Variants in TINAG observed in about 807,000 individuals in gnomAD.
TINAG encodes tubulointerstitial nephritis antigen.
In TINAG, 83 loss-of-function variants were observed where a neutral mutation model predicts 72.7. That is an observed-to-expected ratio of 1.14 (90% CI 0.96 to 1.37). The LOEUF is 1.37. Ranked by LOEUF, TINAG falls within the 40% of genes most tolerant of loss-of-function variation. The pLI, the probability that TINAG is intolerant of heterozygous loss-of-function variation, is 0.00. For synonymous variants in TINAG, 234 were observed against 189.9 expected (o/e 1.23, Z -1.91); for missense variants, 685 against 576.6 (o/e 1.19, Z -1.93).
intron 9 of TINAG, among the ~76,000 whole-genome samples, chr6:54,370,933 C>T (rs919843620): frequency 3.6e-4 from 55 of 152,026 alleles, no homozygotes; most frequent in African/African-American, 1.2e-3. Context: ...TGTTCCACTC[C>T]GTAAGTGCTA....
chr6:54,388,266 ACACATTGACGCTGTTT>A (rs1197633739), intron 10 of TINAG, among the ~76,000 whole-genome samples: 1 of 152,204 alleles, frequency 6.6e-6, no homozygotes, highest in Non-Finnish European at 1.5e-5. Flanking sequence ...GAACTCTCAC[ACACATTGACGCTGTTT>A]CCTTCTCAGC....
rs1284615945 is a variant in TINAG at position 54,351,220 on chromosome 6, G to A, written c.1081-132G>A. 2.7e-5 allele frequency: 18 copies of A among 677,786 alleles called. No homozygotes were observed. The East Asian group carries it at 5.2e-4, about 20-fold the overall frequency. The allele number at this position is 677,786 out of a possible 1,614,324, so 42.0% of individuals were successfully genotyped here. On this transcript the variant is annotated intron_variant, in intron 7 of 10. Coordinates refer to ENST00000259782, the MANE Select transcript of TINAG (RefSeq NM_014464.4). ...TCTTGTCTTTAACAATTTCATTAAT[G>A]TAGCATAATATACGTGAGTTTTTCA...
chr6:54,345,476 T>C (rs1785098701), intron 5 of TINAG, among the ~76,000 whole-genome samples: 1 of 152,122 alleles, frequency 6.6e-6, no homozygotes, highest in African/African-American at 2.4e-5. Flanking sequence ...ATATCAGAAA[T>C]AATCCTGGAG....
At chr6:54,326,656 T>C in intron 3 of TINAG, 146 bp from the exon 4 acceptor site, 1 of 566,330 alleles carries the variant, frequency 1.8e-6, no homozygotes. Context: ...CATCATTATA[T>C]AAAGAATATC....
chr6:54,344,933 C>T (rs965261923), intron 5 of TINAG, among the ~76,000 whole-genome samples: 2 of 152,024 alleles, frequency 1.3e-5, no homozygotes, highest in Non-Finnish European at 2.9e-5. Context: ...GTATTAGTTA[C>T]AAAAATAGAT....
intron 9 of TINAG, among the ~76,000 whole-genome samples, chr6:54,361,020 A>C (rs940206243): frequency 6.7e-6 from 1 of 150,034 alleles, no homozygotes; most frequent in African/African-American, 2.4e-5. Flanking sequence ...TGTTATGGTG[A>C]CCTGTGATTG....
Position 54,308,659 on chromosome 6 carries a change from A to G in TINAG, c.109A>G (p.Arg37Gly). 1 of 1,613,862 alleles carries G rather than the reference A, an allele frequency of 6.2e-7. No individual in the cohort carries two copies. The highest frequency in any genetic ancestry group is 8.5e-7 in the Non-Finnish European group (1 of 1,179,858). ...AGTGGACCTAGAGGCTTATTTCACT[A>G]GGAATCACACCGTTTTGCAAGGTAC... Reference protein sequence around the residue: ...REVDLEAYFTRNHTVLQGTRF... With the variant: ...REVDLEAYFTGNHTVLQGTRF... The change falls in exon 1 of 11, where the codon AGG becomes GGG. Residue 37 changes from arginine (R) to glycine (G), a missense_variant. Arg to Gly is a moderately radical substitution (Grantham distance 125). Transcript: ENST00000259782.
At chr6:54,359,421 CTGTT>C (rs1465294348) in intron 9 of TINAG, among the ~76,000 whole-genome samples, 4 of 151,810 alleles carry the variant, frequency 2.6e-5, no homozygotes, top group African/African-American at 7.3e-5. Flanking sequence ...ATTCCATTCA[CTGTT>C]TGGAGCCTCC....
At chr6:54,360,841 GTTTTTTTT>G (rs70983415) in intron 9 of TINAG, among the ~76,000 whole-genome samples, 118 of 26,224 alleles carry the variant, frequency 4.5e-3, no homozygotes, top group African/African-American at 8.7e-3. Flanking sequence ...CAGATACTGT[GTTTTTTTT>G]TTTTTTTTTT....
Position 54,354,617 on chromosome 6 carries a change from C to T in TINAG, c.1231C>T (p.His411Tyr). Reference sequence around the variant, plus strand: ...AGAAAAATATCGAAAGCTTCAGACACATGCAGTCAAACTCACTGGGTAAGG... The same window carrying T: ...AGAAAAATATCGAAAGCTTCAGACATATGCAGTCAAACTCACTGGGTAAGG... ...ESEKYRKLQT[H>Y]AVKLTGWGTL... Residue 411 changes from histidine (H) to tyrosine (Y), a missense_variant, in exon 9 of 11, where the codon CAT (histidine) becomes TAT (tyrosine). By Grantham distance (83) the His-to-Tyr change is moderately conservative. Coordinates refer to ENST00000259782, the MANE Select transcript of TINAG (RefSeq NM_014464.4). The T allele has an allele frequency of 6.2e-7, 1 of 1,609,624 alleles. No homozygotes were observed. Among genetic ancestry groups the T allele is most frequent in the South Asian group, 1.1e-5 (1 of 90,616 alleles).
At chr6:54,358,754 T>C (rs1763139048) in intron 9 of TINAG, among the ~76,000 whole-genome samples, 1 of 151,828 alleles carries the variant, frequency 6.6e-6, no homozygotes. Context: ...TTCACCCTGC[T>C]GCATCATTTA....
chr6:54,350,914 C>T (rs1000621847), intron 7 of TINAG, among the ~76,000 whole-genome samples: 2 of 151,516 alleles, frequency 1.3e-5, no homozygotes, highest in Non-Finnish European at 2.9e-5. Context: ...TCAATATGTA[C>T]AGAAAAATGG....
chr6:54,352,206 C>A (rs1785282536), intron 8 of TINAG, among the ~76,000 whole-genome samples: 1 of 151,596 alleles, frequency 6.6e-6, no homozygotes, highest in South Asian at 2.1e-4. Context: ...AAAAAATAGG[C>A]CAAAATTAAA....
Position 54,351,373 on chromosome 6 carries a change from A to C in TINAG, c.1102A>C (p.Ile368Leu). The change falls in exon 8 of 11, where the codon ATC becomes CTC. Residue 368 changes from isoleucine (I) to leucine (L), a missense_variant. Physicochemically the swap from Ile to Leu is conservative, Grantham distance 5 (BLOSUM62 2). Coordinates refer to ENST00000259782, the MANE Select transcript of TINAG (RefSeq NM_014464.4). Reference sequence around the variant, plus strand: ...CCAGGAAACTGAGATAATGAAAGAAATCATGCAAAATGGACCAGTTCAAGG... The same window carrying C: ...CCAGGAAACTGAGATAATGAAAGAACTCATGCAAAATGGACCAGTTCAAGG... ...SSNETEIMKE[I>L]MQNGPVQAIM... 1 of 1,610,402 alleles carries C rather than the reference A, an allele frequency of 6.2e-7. No homozygotes were observed. The highest frequency in any genetic ancestry group is 8.5e-7 in the Non-Finnish European group (1 of 1,177,884).
intron 9 of TINAG, among the ~76,000 whole-genome samples, chr6:54,373,647 C>T (rs117412755): frequency 2.0e-5 from 3 of 152,102 alleles, no homozygotes; most frequent in East Asian, 3.9e-4. Context: ...TCAATTCTAC[C>T]ATTAGCTGAC....
intron 5 of TINAG, among the ~76,000 whole-genome samples, chr6:54,345,274 T>C (rs1024347495): frequency 5.9e-5 from 9 of 152,142 alleles, no homozygotes; most frequent in East Asian, 1.9e-4. Context: ...TAAACCATCA[T>C]TGAGATTCAG....
chr6:54,385,323 G>T (rs569092057), intron 10 of TINAG, among the ~76,000 whole-genome samples: 15 of 152,086 alleles, frequency 9.9e-5, no homozygotes, highest in African/African-American at 3.6e-4. Context: ...CATTGCTGCA[G>T]ATTCAATAGA....
intron 10 of TINAG, among the ~76,000 whole-genome samples, chr6:54,383,179 G>A (rs1019363464): frequency 9.9e-5 from 15 of 152,086 alleles, no homozygotes; most frequent in Admixed American, 2.6e-4. Flanking sequence ...CAAGGTATGC[G>A]AAGAGTAGAA....
chr6:54,338,222 T>C (rs1784912547), intron 4 of TINAG, among the ~76,000 whole-genome samples: 3 of 152,186 alleles, frequency 2.0e-5, no homozygotes, highest in African/African-American at 7.2e-5. Flanking sequence ...GACTATGGCT[T>C]GAACAACACA....
Sources: allele counts gnomAD v4.1 joint callset (sites outside exome capture counted in the v4.1 genomes callset), GRCh38; gene constraint gnomAD v4.1.1; transcripts MANE v1.5; gene names NCBI Gene and HGNC (gene_info 2026-07-23, HGNC 2026-07-21).